ANKRD13C: variants seen among roughly 807,000 people sequenced by gnomAD.
The protein encoded by ANKRD13C is ankyrin repeat domain 13C, also known as ankyrin repeat domain-containing protein 13C.
ANKRD13C carries 16 observed loss-of-function variants against 65.5 expected under a neutral mutation model. The ratio of observed to expected loss-of-function variants is 0.24; its 90% CI spans 0.17 to 0.37. ANKRD13C has a LOEUF of 0.37. Among genes scored for constraint, ANKRD13C ranks in the 10% least tolerant of loss-of-function variants. The pLI, the probability that ANKRD13C is intolerant of heterozygous loss-of-function variation, is 1.00. For synonymous variants in ANKRD13C, 235 were observed against 238.7 expected, an observed-to-expected ratio of 0.98 and a Z score of 0.14; for missense variants, 503 against 655.9, an observed-to-expected ratio of 0.77 and a Z score of 2.55.
At chr1:70,321,966 T>C (rs1240601877) in intron 3 of ANKRD13C, among the ~76,000 whole-genome samples, 1 of 152,214 alleles carries the variant, frequency 6.6e-6, no homozygotes, top group Non-Finnish European at 1.5e-5. Context: ...AAAATGTTAA[T>C]GTAACACAAG....
At chr1:70,306,083 T>C (rs1450919007) in intron 6 of ANKRD13C, 141 bp downstream of exon 6, 1 of 463,400 alleles carries the variant, frequency 2.2e-6, no homozygotes, top group African/African-American at 2.0e-5. Context: ...TTATCTATTA[T>C]GTCTCGAATG....
intron 2 of ANKRD13C, among the ~76,000 whole-genome samples, chr1:70,330,435 G>A (rs1681734056): frequency 6.6e-6 from 1 of 151,994 alleles, no homozygotes; most frequent in South Asian, 2.1e-4. Flanking sequence ...GCATGCGCCT[G>A]TAATCCCGGC....
At chr1:70,317,747 T>C (rs991490693) in intron 3 of ANKRD13C, among the ~76,000 whole-genome samples, 4 of 152,216 alleles carry the variant, frequency 2.6e-5, no homozygotes, top group Non-Finnish European at 5.9e-5. Context: ...TTTTCTACTA[T>C]AAGCTCAAGT....
chr1:70,322,847 C>A (rs546743571), intron 3 of ANKRD13C, among the ~76,000 whole-genome samples: 7 of 152,100 alleles, frequency 4.6e-5, no homozygotes, highest in South Asian at 2.1e-4. Flanking sequence ...ACAAGATTAG[C>A]CGGGCATGGT....
In ANKRD13C at chr1:70,276,665, T is replaced by G. The variant is rs1679148201; in HGVS notation, c.1295+100A>C. 47 of 974,354 alleles carry G rather than the reference T, an allele frequency of 4.8e-5. No homozygotes were observed. In the South Asian group the frequency reaches 7.1e-4, roughly 15 times the overall value. 60.4% of individuals were successfully genotyped at this position (974,354 alleles called of 1,614,324 possible). A position where few individuals can be genotyped will look rare whatever the true frequency, so the allele number is the denominator to read the frequency against. On this transcript the variant is annotated intron_variant, in intron 10 of 12. Transcript: ENST00000370944. Reference sequence around the variant, plus strand: ...GCTTCAGTCAAAAATATACCAATAATTCTCTCCAAAATAATTTACGCCAAA... The same window carrying G: ...GCTTCAGTCAAAAATATACCAATAAGTCTCTCCAAAATAATTTACGCCAAA...
chr1:70,306,208 A>C lies in ANKRD13C; in HGVS notation c.776+16T>G, dbSNP rs775160340. 2 of 1,512,040 alleles carry C rather than the reference A, an allele frequency of 1.3e-6. No individual in the cohort carries two copies. The highest frequency in any genetic ancestry group is 2.8e-5 in the South Asian group (2 of 72,224). The allele number at this position is 1,512,040 out of a possible 1,614,324, so 93.7% of individuals were successfully genotyped here. On this transcript the variant is annotated intron_variant, in intron 6 of 12. Transcript: ENST00000370944. ...CTCAACTTTCTTTTACTGAGAAAAAAATCAAATCACCTTACCTGATATTGA... is the reference window on the plus strand; with the variant it reads ...CTCAACTTTCTTTTACTGAGAAAAACATCAAATCACCTTACCTGATATTGA...
chr1:70,291,408 A>T (rs1274723385), intron 9 of ANKRD13C, among the ~76,000 whole-genome samples: 1 of 152,246 alleles, frequency 6.6e-6, no homozygotes, highest in African/African-American at 2.4e-5. Context: ...ACAAATAAAA[A>T]ATAAATTTAA....
chr1:70,271,403 A>T (rs914701949), intron 11 of ANKRD13C, among the ~76,000 whole-genome samples: 1 of 152,214 alleles, frequency 6.6e-6, no homozygotes, highest in Non-Finnish European at 1.5e-5. Flanking sequence ...ATCTCTTAGC[A>T]TTCTATATCA....
At chr1:70,272,256 G>A (rs1254569104) in intron 11 of ANKRD13C, among the ~76,000 whole-genome samples, 2 of 147,484 alleles carry the variant, frequency 1.4e-5, no homozygotes, top group Non-Finnish European at 1.5e-5. Context: ...ATGGAGTTTC[G>A]CTCTTGTTGC....
intron 6 of ANKRD13C, among the ~76,000 whole-genome samples, chr1:70,303,209 G>A (rs931109817): frequency 4.6e-5 from 7 of 152,100 alleles, no homozygotes; most frequent in African/African-American, 1.7e-4. Context: ...TGACATATTA[G>A]ATGACCTGGT....
intron 12 of ANKRD13C, among the ~76,000 whole-genome samples, chr1:70,266,452 G>A (rs895669747): frequency 3.3e-5 from 5 of 152,184 alleles, no homozygotes; most frequent in Admixed American, 1.3e-4. Context: ...CTTTTTGTGT[G>A]TGTGTGAACA....
chr1:70,300,564 G>A (rs756817016), intron 7 of ANKRD13C, among the ~76,000 whole-genome samples, 200 bp downstream of exon 7: 13 of 151,886 alleles, frequency 8.6e-5, no homozygotes, highest in Non-Finnish European at 1.8e-4. Context: ...TTTCAGCCTG[G>A]GTGACAGAGC....
At chr1:70,291,595 C>G (rs1006007170) in intron 9 of ANKRD13C, among the ~76,000 whole-genome samples, 1 of 152,044 alleles carries the variant, frequency 6.6e-6, no homozygotes, top group Non-Finnish European at 1.5e-5. Context: ...AGGTGTAAGT[C>G]AGAGATGACA....
rs1682877198 is a variant in ANKRD13C, at chr1:70,354,055, C to T, written c.354G>A (p.Glu118=). The T allele has an allele frequency of 6.2e-7, 1 of 1,602,326 alleles. No individual in the cohort carries two copies. The highest frequency in any genetic ancestry group is 2.2e-5 in the East Asian group (1 of 44,710). The change falls in exon 1 of 13, where the codon GAG becomes GAA. Residue 118 remains glutamate (E), a synonymous_variant. Transcript: ENST00000370944. ...GSCPAHYPVH[E]CVFKGDVRRL... Reference sequence around the variant, plus strand: ...TCCTCACATCCCCCTTGAAGACGCACTCGTGCACCGGGTAGTGTGCGGGGC... The same window carrying T: ...TCCTCACATCCCCCTTGAAGACGCATTCGTGCACCGGGTAGTGTGCGGGGC...
At chr1:70,315,205 A>C (rs1681024038) in intron 4 of ANKRD13C, among the ~76,000 whole-genome samples, 1 of 152,192 alleles carries the variant, frequency 6.6e-6, no homozygotes, top group Admixed American at 6.5e-5. Flanking sequence ...AGGCAAAGGA[A>C]AATTATTGCC....
chr1:70,353,797 C>A (rs1156829765), intron 1 of ANKRD13C, among the ~76,000 whole-genome samples, 182 bp downstream of exon 1: 1 of 152,056 alleles, frequency 6.6e-6, no homozygotes, highest in African/African-American at 2.4e-5. Context: ...CCTTTGCACC[C>A]ACAAGAACCA....
At chr1:70,334,538 G>A (rs1681935565) in intron 2 of ANKRD13C, among the ~76,000 whole-genome samples, 2 of 152,200 alleles carry the variant, frequency 1.3e-5, no homozygotes, top group East Asian at 1.9e-4. Flanking sequence ...GAGACAGGAG[G>A]ATCACTTGAG....
intron 1 of ANKRD13C, among the ~76,000 whole-genome samples, chr1:70,351,004 T>C (rs1164023156): frequency 6.6e-6 from 1 of 152,034 alleles, no homozygotes. Flanking sequence ...CTACTTAAAA[T>C]ACAAAAATTA....
intron 8 of ANKRD13C, among the ~76,000 whole-genome samples, chr1:70,295,876 A>G (rs1241239092): frequency 6.6e-6 from 1 of 152,220 alleles, no homozygotes; most frequent in Non-Finnish European, 1.5e-5. Context: ...TCCCTGTATA[A>G]TAACAAGACA....
Sources: allele counts gnomAD v4.1 joint callset (sites outside exome capture counted in the v4.1 genomes callset), GRCh38; gene constraint gnomAD v4.1.1; transcripts MANE v1.5; gene names NCBI Gene and HGNC (gene_info 2026-07-23, HGNC 2026-07-21).